Variants in SLCO1B3 observed in about 807,000 individuals in gnomAD.
The protein encoded by SLCO1B3 is solute carrier organic anion transporter family member 1B3, also known as liver-specific organic anion transporter 2.
In SLCO1B3, 72 loss-of-function variants were observed where a neutral mutation model predicts 71.8. That is an observed-to-expected ratio of 1.00 (90% CI 0.83 to 1.22). The LOEUF is 1.22. SLCO1B3 is among the 50% of genes most tolerant of loss of function. The pLI is 0.00. For missense variants in SLCO1B3, 911 were observed against 819.7 expected (o/e 1.11, Z -1.36); for synonymous variants, 298 against 278.4 (o/e 1.07, Z -0.70).
At chr12:20,857,214 A>C (rs1438182077) in intron 4 of SLCO1B3, among the ~76,000 whole-genome samples, 1 of 152,146 alleles carries the variant, frequency 6.6e-6, no homozygotes, top group African/African-American at 2.4e-5. Context: ...TAAATATCCA[A>C]AAATTTACTA....
At chr12:20,906,600 T>G (rs1866250962) in intron 15 of SLCO1B3, among the ~76,000 whole-genome samples, 1 of 152,152 alleles carries the variant, frequency 6.6e-6, no homozygotes, top group South Asian at 2.1e-4. Context: ...CAGGGAGATC[T>G]CCATACAGTT....
chr12:20,821,684 A>G (rs1476783631), intron 3 of SLCO1B3, among the ~76,000 whole-genome samples: 1 of 151,918 alleles, frequency 6.6e-6, no homozygotes, highest in Non-Finnish European at 1.5e-5. Context: ...AGAGACATGG[A>G]GAGAAGGGGT....
At chr12:20,826,272 GA>G (rs1430083045) in intron 3 of SLCO1B3, among the ~76,000 whole-genome samples, 4 of 151,886 alleles carry the variant, frequency 2.6e-5, no homozygotes, top group South Asian at 4.2e-4. Context: ...GAACCTGAGG[GA>G]AAAAAATTAC....
At chr12:20,854,995 A>G (rs1354031243) in intron 3 of SLCO1B3, 33 bp from the exon 4 acceptor site, 2 of 1,595,694 alleles carry the variant, frequency 1.3e-6, no homozygotes, top group African/African-American at 2.7e-5. Flanking sequence ...TCTTTGATTA[A>G]CCAATTTTCA....
At chr12:20,874,867 A>G (rs1321284076) in intron 8 of SLCO1B3, among the ~76,000 whole-genome samples, 1 of 152,152 alleles carries the variant, frequency 6.6e-6, no homozygotes, top group African/African-American at 2.4e-5. Context: ...GATGATTCCA[A>G]CATTTTCAGA....
At chr12:20,876,529 A>C (rs1865582342) in intron 9 of SLCO1B3, among the ~76,000 whole-genome samples, 1 of 151,988 alleles carries the variant, frequency 6.6e-6, no homozygotes, top group African/African-American at 2.4e-5. Flanking sequence ...CACCACACTA[A>C]CCCAAGAGCA....
intron 5 of SLCO1B3, among the ~76,000 whole-genome samples, chr12:20,860,247 G>A (rs745316409): frequency 1.6e-4 from 24 of 152,082 alleles, no homozygotes; most frequent in Admixed American, 5.2e-4. Flanking sequence ...GAGCCACCGC[G>A]CCCAGCCCCT....
At chr12:20,854,657 C>T (rs1162197939) in intron 3 of SLCO1B3, among the ~76,000 whole-genome samples, 1 of 152,214 alleles carries the variant, frequency 6.6e-6, no homozygotes, top group African/African-American at 2.4e-5. Context: ...CCTGCATGCA[C>T]TGCCATTCCC....
At chr12:20,896,064 A>G (rs998289690) in intron 13 of SLCO1B3, among the ~76,000 whole-genome samples, 1 of 152,200 alleles carries the variant, frequency 6.6e-6, no homozygotes, top group African/African-American at 2.4e-5. Flanking sequence ...CCAAGTCCCT[A>G]GGCTGCACAT....
intron 10 of SLCO1B3, among the ~76,000 whole-genome samples, chr12:20,878,562 G>A (rs896853283): frequency 6.6e-6 from 1 of 152,108 alleles, no homozygotes; most frequent in Non-Finnish European, 1.5e-5. Flanking sequence ...TATTTGATGA[G>A]TTAAACAGTG....
chr12:20,844,154 T>C (rs1445682394), intron 3 of SLCO1B3, among the ~76,000 whole-genome samples: 1 of 152,112 alleles, frequency 6.6e-6, no homozygotes, highest in African/African-American at 2.4e-5. Context: ...TATGTGTGTG[T>C]GTGTATATAT....
intron 2 of SLCO1B3, among the ~76,000 whole-genome samples, chr12:20,814,666 G>C (rs1028384105): frequency 1.3e-5 from 2 of 152,020 alleles, no homozygotes; most frequent in African/African-American, 4.8e-5. Context: ...CGAGGCGGGC[G>C]GATCAGGAGG....
intron 3 of SLCO1B3, among the ~76,000 whole-genome samples, chr12:20,842,339 A>G (rs2121176291): frequency 6.6e-6 from 1 of 152,308 alleles, no homozygotes. Flanking sequence ...AATTTCCTCT[A>G]GTGACAATAA....
chr12:20,830,169 C>T (rs1388309474), intron 3 of SLCO1B3, among the ~76,000 whole-genome samples: 6 of 152,188 alleles, frequency 3.9e-5, no homozygotes, highest in African/African-American at 7.2e-5. Flanking sequence ...AAGCTTGCAC[C>T]TGGCGCCCGT....
chr12:20,822,334 G>C (rs1243820732), intron 3 of SLCO1B3, among the ~76,000 whole-genome samples: 1 of 151,948 alleles, frequency 6.6e-6, no homozygotes, highest in African/African-American at 2.4e-5. Context: ...ATTTGGGAAG[G>C]TAAAGGAAAA....
chr12:20,856,552 A>G (rs1221928663), intron 4 of SLCO1B3, among the ~76,000 whole-genome samples: 1 of 152,008 alleles, frequency 6.6e-6, no homozygotes, highest in East Asian at 1.9e-4. Flanking sequence ...GAAATACTAC[A>G]TCTTTTGTTT....
At chr12:20,890,230 A>T (rs200850867) in intron 13 of SLCO1B3, among the ~76,000 whole-genome samples, 1 of 17,538 alleles carries the variant, frequency 5.7e-5, no homozygotes, top group East Asian at 1.0e-3. Flanking sequence ...CATTTCAATT[A>T]AAAAAAAAAT....
In SLCO1B3 at chr12:20,875,264, CGTTGG is replaced by C. The variant is rs1565598066; in HGVS notation, c.763_767del (p.Val255SerfsTer29). Reference sequence around the variant, plus strand: ...TATCAGAATAACTCCTAAGGACTCTCGTTGGGTTGGAGCTTGGTGGCTTGGTTTCC... The same window carrying C: ...TATCAGAATAACTCCTAAGGACTCTCGTTGGAGCTTGGTGGCTTGGTTTCC... On this transcript the variant is annotated frameshift_variant, in exon 9 of 16. Coordinates refer to ENST00000381545, the MANE Select transcript of SLCO1B3 (RefSeq NM_019844.4). LOFTEE classifies it high-confidence loss of function. The C allele has an allele frequency of 6.2e-7, 1 of 1,613,106 alleles. No homozygotes were observed.
At chr12:20,891,085 T>A (rs759017863) in intron 13 of SLCO1B3, among the ~76,000 whole-genome samples, 8 of 152,168 alleles carry the variant, frequency 5.3e-5, no homozygotes, top group Non-Finnish European at 1.2e-4. Flanking sequence ...TGCTTTGCAG[T>A]CTCAATTAGG....
Sources: gnomAD v4.1 joint callset for allele counts (sites outside exome capture counted in the v4.1 genomes callset) on GRCh38, gnomAD v4.1.1 for gene constraint, MANE v1.5 for transcripts, NCBI Gene and HGNC (gene_info 2026-07-23, HGNC 2026-07-21) for gene names.